ATRNL1: variants seen among roughly 807,000 people sequenced by gnomAD.
ATRNL1 encodes the protein attractin like 1, also known as attractin-like protein 1.
Under a neutral mutation model 182.7 loss-of-function variants are expected in ATRNL1, and 95 were observed. The observed-to-expected ratio is 0.52, with a 90% CI of 0.44 to 0.62. The LOEUF (loss-of-function observed/expected upper bound fraction) is 0.62. Ranked by LOEUF, ATRNL1 falls within the 20% of genes least tolerant of loss-of-function variation. The probability of loss-of-function intolerance (pLI) is 0.00; values close to 1 mark genes in which losing one functional copy is unlikely to be tolerated. For synonymous variants in ATRNL1, 576 were observed against 568.3 expected (o/e 1.01, Z -0.19); for missense variants, 1,471 against 1,679.5 (o/e 0.88, Z 2.17).
Position 115,284,248 on chromosome 10 carries a change from G to GC in ATRNL1, c.2234-1965dup, listed in dbSNP as rs548038135. On this transcript the variant is annotated intron_variant, in intron 14 of 28. Transcript: ENST00000355044. ...AGTATAATTTAGTTTAGCCACAAAGGCCCATGCATTTGTTTTTATTTGTAT... is the reference window on the plus strand; with the variant it reads ...AGTATAATTTAGTTTAGCCACAAAGGCCCCATGCATTTGTTTTTATTTGTAT... Among the ~76,000 whole-genome samples, 636 of 152,174 alleles carry GC rather than the reference G, an allele frequency of 4.2e-3. 1 individual carries two copies. Among genetic ancestry groups the GC allele is most frequent in the Middle Eastern group, 0.01 (3 of 294 alleles).
At chr10:115,231,308 A>G (rs1383558494) in intron 9 of ATRNL1, among the ~76,000 whole-genome samples, 1 of 152,144 alleles carries the variant, frequency 6.6e-6, no homozygotes, top group Non-Finnish European at 1.5e-5. Flanking sequence ...GTAAACTAAT[A>G]TGAGGATTGA....
intron 19 of ATRNL1, among the ~76,000 whole-genome samples, chr10:115,376,762 C>CCAA (rs1194076321): frequency 3.9e-5 from 6 of 151,946 alleles, no homozygotes; most frequent in Admixed American, 3.3e-4. Context: ...TGTAACCTTC[C>CCAA]CAATATTTGG....
chr10:115,929,642 T>C (rs1479944036), intron 28 of ATRNL1, among the ~76,000 whole-genome samples: 2 of 152,082 alleles, frequency 1.3e-5, no homozygotes, highest in Non-Finnish European at 2.9e-5. Context: ...AGGACCATTA[T>C]AATTTTTGTG....
chr10:115,204,513 CAA>C (rs1233566384), intron 8 of ATRNL1, among the ~76,000 whole-genome samples: 2 of 152,016 alleles, frequency 1.3e-5, no homozygotes, highest in African/African-American at 4.8e-5. Flanking sequence ...TGAATTCTAT[CAA>C]ATGCTTTTTC....
intron 13 of ATRNL1, among the ~76,000 whole-genome samples, chr10:115,276,566 T>G (rs1359959866): frequency 1.3e-5 from 2 of 152,222 alleles, no homozygotes; most frequent in Non-Finnish European, 2.9e-5. Context: ...TATCAGAATG[T>G]CTTGTGATTA....
At chr10:115,592,738 A>G (rs1555012698) in intron 26 of ATRNL1, among the ~76,000 whole-genome samples, 1 of 152,184 alleles carries the variant, frequency 6.6e-6, no homozygotes, top group Non-Finnish European at 1.5e-5. Flanking sequence ...TTCTCTAGCA[A>G]TCAGTTTCTA....
In ATRNL1 at chr10:115,729,647, AC is replaced by A. The variant is rs1161910815; in HGVS notation, c.3903+2295del. ...TTCTATTTTTATGTTGCTTATAGCT[AC>A]CCTTTCCTTATCAAGATTCATAGTG... On this transcript the variant is annotated intron_variant, in intron 27 of 28. Transcript: ENST00000355044. 2.0e-5 allele frequency among the ~76,000 whole-genome samples: 3 copies of A among 151,712 alleles called. No individual in the cohort carries two copies. In the East Asian group the frequency reaches 5.8e-4, roughly 29 times the overall value.
chr10:115,256,094 T>G (rs1241966836), intron 10 of ATRNL1, among the ~76,000 whole-genome samples: 37 of 152,306 alleles, frequency 2.4e-4, no homozygotes, highest in Admixed American at 2.4e-3. Flanking sequence ...TGGTCTAAAA[T>G]TCTCTTTTTT....
At chr10:115,495,741 G>T (rs1385501550) in intron 24 of ATRNL1, among the ~76,000 whole-genome samples, 1 of 151,654 alleles carries the variant, frequency 6.6e-6, no homozygotes. Context: ...TTTATGGCCA[G>T]TTGTGTGGTC....
chr10:115,677,604 T>A (rs146569581), intron 26 of ATRNL1, among the ~76,000 whole-genome samples: 1 of 152,214 alleles, frequency 6.6e-6, no homozygotes, highest in African/African-American at 2.4e-5. Flanking sequence ...TTTCTTTTGC[T>A]GCCGCCATGT....
At chr10:115,740,839 CACACACACACACACAA>C (rs66865611) in intron 27 of ATRNL1, among the ~76,000 whole-genome samples, 99,891 of 134,294 alleles carry the variant, frequency 0.74, 34,808 homozygotes, top group East Asian at 0.93. Flanking sequence ...CACACACACA[CACACACACACACACAA>C]ACACACACAC....
intron 27 of ATRNL1, among the ~76,000 whole-genome samples, chr10:115,811,831 T>A (rs1236880779): frequency 2.0e-5 from 3 of 151,110 alleles, no homozygotes; most frequent in African/African-American, 4.9e-5. Context: ...ATTTTTAGAT[T>A]TCTTTTTTAT....
chr10:115,336,077 T>G (rs1481612504), intron 19 of ATRNL1, among the ~76,000 whole-genome samples: 1 of 152,206 alleles, frequency 6.6e-6, no homozygotes, highest in Non-Finnish European at 1.5e-5. Flanking sequence ...TTATATTAGC[T>G]TTACAAAACT....
chr10:115,714,538 A>G (rs1321215857), intron 26 of ATRNL1, among the ~76,000 whole-genome samples: 1 of 152,146 alleles, frequency 6.6e-6, no homozygotes, highest in Non-Finnish European at 1.5e-5. Context: ...TTACTTGGCT[A>G]TCTCAATGAT....
chr10:115,313,639 C>T (rs1335514320), intron 17 of ATRNL1, among the ~76,000 whole-genome samples: 1 of 152,026 alleles, frequency 6.6e-6, no homozygotes, highest in Non-Finnish European at 1.5e-5. Flanking sequence ...AGGTGGTGTC[C>T]ACAGGTAAAA....
intron 28 of ATRNL1, among the ~76,000 whole-genome samples, chr10:115,921,434 C>G (rs1442870526): frequency 6.6e-6 from 1 of 152,024 alleles, no homozygotes; most frequent in Non-Finnish European, 1.5e-5. Context: ...AAGCAGTTTT[C>G]TTAAAAAGAT....
intron 19 of ATRNL1, among the ~76,000 whole-genome samples, chr10:115,350,781 A>AT (rs746174049): frequency 1.5e-4 from 22 of 151,226 alleles, no homozygotes; most frequent in East Asian, 3.9e-4. Flanking sequence ...GAATTTTAGG[A>AT]TTTTTTTTTC....
At position 115,438,259 on chromosome 10, in the gene ATRNL1, A is replaced by G. The variant is rs76178101; in HGVS notation, c.3322+11957A>G. On this transcript the variant is annotated intron_variant, in intron 21 of 28. Coordinates refer to ENST00000355044, the MANE Select transcript of ATRNL1 (RefSeq NM_207303.4). Reference sequence around the variant, plus strand: ...CATCCTAACATGCCTGCCATCTTGCATCTCAGATATAAAGATATTTCCAGT... The same window carrying G: ...CATCCTAACATGCCTGCCATCTTGCGTCTCAGATATAAAGATATTTCCAGT... Among the ~76,000 whole-genome samples, 393 of 152,128 alleles carry G rather than the reference A, an allele frequency of 2.6e-3. 5 individuals carry two copies. In the East Asian group the frequency reaches 0.04, roughly 16 times the overall value.
chr10:115,646,237 A>T (rs1165635514), intron 26 of ATRNL1, among the ~76,000 whole-genome samples: 1 of 152,150 alleles, frequency 6.6e-6, no homozygotes, highest in Non-Finnish European at 1.5e-5. Flanking sequence ...ATTTTATAAT[A>T]ATGGCTGCTA....
Sources: allele counts gnomAD v4.1 joint callset (sites outside exome capture counted in the v4.1 genomes callset), GRCh38; gene constraint gnomAD v4.1.1; transcripts MANE v1.5; gene names NCBI Gene and HGNC (gene_info 2026-07-23, HGNC 2026-07-21).